Variants in CCDC187 observed in about 807,000 individuals in gnomAD.
CCDC187 encodes coiled-coil domain-containing protein 187.
Under a neutral mutation model 38.0 loss-of-function variants are expected in CCDC187, and 32 were observed. That is an observed-to-expected ratio of 0.84 (90% CI 0.64 to 1.13). CCDC187 has a LOEUF of 1.13. CCDC187 is among the 50% of genes most tolerant of loss of function. CCDC187 has a pLI of 0.00. For synonymous variants in CCDC187, 333 were observed against 347.9 expected, an observed-to-expected ratio of 0.96 and a Z score of 0.48; for missense variants, 707 against 786.8, an observed-to-expected ratio of 0.90 and a Z score of 1.21.
intron 10 of CCDC187, among the ~76,000 whole-genome samples, chr9:136,279,340 C>A (rs1830995638): frequency 6.6e-6 from 1 of 152,224 alleles, no homozygotes; most frequent in South Asian, 2.1e-4. Context: ...GTGTTTATGT[C>A]TAGAAGATTC....
chr9:136,273,627 C>T (rs565307123), intron 14 of CCDC187, among the ~76,000 whole-genome samples: 1 of 152,314 alleles, frequency 6.6e-6, no homozygotes, highest in African/African-American at 2.4e-5. Flanking sequence ...ATCCAAGATG[C>T]AGTAGATTTG....
chr9:136,255,440 G>T (rs1375718240), intron 25 of CCDC187, among the ~76,000 whole-genome samples: 1 of 152,206 alleles, frequency 6.6e-6, no homozygotes, highest in Non-Finnish European at 1.5e-5. Flanking sequence ...TTTCATTAGG[G>T]ATGTGGGTGG....
At chr9:136,301,938 A>G (rs1262330331) in intron 2 of CCDC187, among the ~76,000 whole-genome samples, 5 of 151,990 alleles carry the variant, frequency 3.3e-5, no homozygotes, top group African/African-American at 9.7e-5. Flanking sequence ...GAGGCTGGGC[A>G]CCGTGGCTCA....
chr9:136,259,521 G>A, intron 20 of CCDC187, 73 bp from the exon 21 acceptor site: 1 of 764,282 alleles, frequency 1.3e-6, no homozygotes, highest in Non-Finnish European at 1.6e-6. Context: ...AAGGAGGCAG[G>A]GGCAGAATGG....
At chr9:136,293,689 G>C (rs1287180155) in intron 4 of CCDC187, among the ~76,000 whole-genome samples, 1 of 149,136 alleles carries the variant, frequency 6.7e-6, no homozygotes, top group Non-Finnish European at 1.5e-5. Context: ...CGCACGTGCT[G>C]TCACACATGC....
In CCDC187 at chr9:136,258,141, A is replaced by C. The variant is rs531834721; in HGVS notation, c.4366+791T>G. Among the ~76,000 whole-genome samples the C allele has an allele frequency of 1.5e-4, 23 of 152,234 alleles. No homozygotes were observed. The highest frequency in any genetic ancestry group is 5.5e-4 in the African/African-American group (23 of 41,540). ...GGCCCGGAGGTGACGCGGGACACAG[A>C]GGGAAAGCGCTCTGTATTCACTCCG... On this transcript the variant is annotated intron_variant, in intron 22 of 25. Transcript: ENST00000638797. The surrounding 1 kb of genome is among the most constrained non-coding windows in gnomAD (Gnocchi z 4.3).
At chr9:136,300,457 A>C in intron 2 of CCDC187, 139 bp from the exon 3 acceptor site, 2 of 385,428 alleles carry the variant, frequency 5.2e-6, no homozygotes, top group Middle Eastern at 6.6e-4. Flanking sequence ...TCTGTCACCC[A>C]AGCTGGAGTG....
At chr9:136,281,911 G>T (rs2131251472) in intron 9 of CCDC187, among the ~76,000 whole-genome samples, 1 of 152,334 alleles carries the variant, frequency 6.6e-6, no homozygotes, top group Admixed American at 6.5e-5. Context: ...TGGGGCCTGA[G>T]CATGCGTCCC....
At position 136,252,719 on chromosome 9, in the gene CCDC187, C is replaced by T. The variant is rs1830563888; in HGVS notation, c.*875G>A. Reference sequence around the variant, plus strand: ...AGAAAACACTCCCTAGGGGCTGCACCTGGGGGCCTGTGTGGAGAGAGCTGC... The same window carrying T: ...AGAAAACACTCCCTAGGGGCTGCACTTGGGGGCCTGTGTGGAGAGAGCTGC... On this transcript the variant is annotated 3_prime_UTR_variant, in exon 26 of 26. Transcript: ENST00000638797. The T allele has an allele frequency of 6.5e-6, 1 of 153,252 alleles. No individual in the cohort carries two copies. Among genetic ancestry groups the T allele is most frequent in the South Asian group, 2.0e-4 (1 of 5,006 alleles). The allele number at this position is 153,252 out of a possible 1,614,324, so 9.5% of individuals were successfully genotyped here. A position where few individuals can be genotyped will look rare whatever the true frequency, so the allele number is the denominator to read the frequency against.
intron 7 of CCDC187, among the ~76,000 whole-genome samples, chr9:136,287,282 G>A (rs945257168): frequency 2.0e-5 from 3 of 152,176 alleles, no homozygotes; most frequent in Admixed American, 6.5e-5. Context: ...TGGAACTCAC[G>A]TTCATGGTTT....
At chr9:136,301,886 A>C (rs1417124882) in intron 2 of CCDC187, among the ~76,000 whole-genome samples, 1 of 151,948 alleles carries the variant, frequency 6.6e-6, no homozygotes, top group Non-Finnish European at 1.5e-5. Flanking sequence ...CCGCTCCCGG[A>C]CTACATATTT....
intron 14 of CCDC187, among the ~76,000 whole-genome samples, chr9:136,270,116 A>G (rs1830815186): frequency 6.6e-6 from 1 of 152,238 alleles, no homozygotes; most frequent in Non-Finnish European, 1.5e-5. Context: ...GGCCTAATGT[A>G]TGCGTAATTG....
chr9:136,263,846 G>A (rs1209897064), intron 17 of CCDC187, 48 bp from the exon 18 acceptor site: 3 of 983,494 alleles, frequency 3.1e-6, no homozygotes, highest in Admixed American at 1.2e-4. Context: ...GGAGCCAGCA[G>A]GGGAAAAGGC....
At chr9:136,301,687 C>T (rs888088815) in intron 2 of CCDC187, among the ~76,000 whole-genome samples, 14 of 149,890 alleles carry the variant, frequency 9.3e-5, no homozygotes, top group Non-Finnish European at 1.9e-4. Context: ...CCTGGATTCA[C>T]GCCATTCTCC....
At position 136,254,819 on chromosome 9, in the gene CCDC187, G is replaced by A. The variant is rs1554760072; in HGVS notation, c.5009C>T (p.Ala1670Val). 6 of 985,386 alleles carry A rather than the reference G, an allele frequency of 6.1e-6. No individual in the cohort carries two copies. Among genetic ancestry groups the A allele is most frequent in the East Asian group, 1.1e-4 (1 of 8,828 alleles). The allele number at this position is 985,386 out of a possible 1,614,324, so 61.0% of individuals were successfully genotyped here. A position where few individuals can be genotyped will look rare whatever the true frequency, so the allele number is the denominator to read the frequency against. The stretch of plus-strand genomic sequence containing the variant: ...GCCAGCTTCCCCCGAGGAGTGTCGG[G>A]CAGAGAGCTCTCCAGGCCAGCTGAA... ...EGFSWPGELS[A>V]RHSSGEAGLP... Residue 1670 changes from alanine (A) to valine (V), a missense_variant, in exon 26 of 26, where the codon GCC becomes GTC. Ala to Val is a moderately conservative substitution (Grantham distance 64). Coordinates refer to ENST00000638797, the MANE Select transcript of CCDC187 (RefSeq NM_001378188.1).
At chr9:136,295,520 A>C (rs1057418727) in intron 4 of CCDC187, among the ~76,000 whole-genome samples, 1 of 152,244 alleles carries the variant, frequency 6.6e-6, no homozygotes, top group African/African-American at 2.4e-5. Flanking sequence ...GAGGTGATAT[A>C]ATCTGAAATT....
chr9:136,255,019 C>A lies in CCDC187; in HGVS notation c.4809G>T (p.Trp1603Cys). 4 of 985,494 alleles carry A rather than the reference C, an allele frequency of 4.1e-6. No homozygotes were observed. The highest frequency in any genetic ancestry group is 4.8e-6 in the Non-Finnish European group (4 of 829,996). 61.0% of individuals were successfully genotyped at this position (985,494 alleles called of 1,614,324 possible). A position where few individuals can be genotyped will look rare whatever the true frequency, so the allele number is the denominator to read the frequency against. The stretch of plus-strand genomic sequence containing the variant: ...ACACCGTGGCTTCTTCCGAAGGCCC[C>A]CAGCAGGTTCCAGAAGCAGACTCAG... ...PGSESASGTC[W>C]GPSEEATVSS... The change falls in exon 26 of 26, where the codon TGG becomes TGT. Residue 1603 changes from tryptophan to cysteine, a missense_variant. Transcript: ENST00000638797.
chr9:136,293,065 C>T (rs1831374947), intron 4 of CCDC187, among the ~76,000 whole-genome samples: 1 of 152,354 alleles, frequency 6.6e-6, no homozygotes, highest in South Asian at 2.1e-4. Flanking sequence ...GAGGTAGGGC[C>T]AGCCCTGGGC....
At chr9:136,306,481 G>T (rs970511313), upstream of CCDC187, among the ~76,000 whole-genome samples, 1 of 152,184 alleles carries the variant, frequency 6.6e-6, no homozygotes, top group Non-Finnish European at 1.5e-5. Context: ...GATGCTTATC[G>T]CTGGAAGAGC....
Sources: gnomAD v4.1 joint callset for allele counts (sites outside exome capture counted in the v4.1 genomes callset) on GRCh38, gnomAD v4.1.1 for gene constraint, Gnocchi (gnomAD v3.1) non-coding constraint, MANE v1.5 for transcripts, NCBI Gene and HGNC (gene_info 2026-07-23, HGNC 2026-07-21) for gene names.